The following GUCA1B variants were observed in gnomAD, a reference collection of about 807,000 sequenced individuals.
The protein encoded by GUCA1B is guanylate cyclase activator 1B, also known as guanylyl cyclase-activating protein 2.
GUCA1B carries 22 observed loss-of-function variants against 24.2 expected under a neutral mutation model. The observed-to-expected ratio is 0.91, with a 90% CI of 0.65 to 1.30. The LOEUF (loss-of-function observed/expected upper bound fraction) is 1.30. Among genes scored for constraint, GUCA1B ranks in the 50% most tolerant of loss-of-function variants. GUCA1B has a pLI of 0.00. For synonymous variants in GUCA1B, 100 were observed against 97.9 expected, an observed-to-expected ratio of 1.02 and a Z score of -0.13; for missense variants, 221 against 258.8, an observed-to-expected ratio of 0.85 and a Z score of 1.00.
intron 2 of GUCA1B, among the ~76,000 whole-genome samples, chr6:42,188,107 A>G (rs532362252): frequency 7.2e-5 from 11 of 152,234 alleles, no homozygotes; most frequent in African/African-American, 2.6e-4. Context: ...CAGCCTCCCA[A>G]AGTGCTGGGA....
At chr6:42,188,886 T>TTCTATCTATCATCTA (rs1554187119) in intron 1 of GUCA1B, among the ~76,000 whole-genome samples, 155 bp from the exon 2 acceptor site, 18 of 116,430 alleles carry the variant, frequency 1.5e-4, no homozygotes, top group Non-Finnish European at 2.0e-4. Context: ...GTAGAGAACA[T>TTCTATCTATCATCTA]TCTATCTATC....
At chr6:42,194,186 C>T (rs1768357908) in intron 1 of GUCA1B, among the ~76,000 whole-genome samples, 1 of 152,198 alleles carries the variant, frequency 6.6e-6, no homozygotes, top group Admixed American at 6.5e-5. Context: ...AGCTCATAGC[C>T]CATGCTAAGA....
chr6:42,194,601 C>A lies in GUCA1B; in HGVS notation c.207+13G>T. On this transcript the variant is annotated intron_variant, in intron 1 of 3. Transcript: ENST00000230361. ...TGGACTGGCCACTGGTCCTTCCCTT[C>A]AGGGTGCCTTACCCCATTCTTGTCG... 1.9e-6 allele frequency: 3 copies of A among 1,572,602 alleles called. No homozygotes were observed. The highest frequency in any genetic ancestry group is 2.6e-6 in the Non-Finnish European group (3 of 1,141,996).
chr6:42,190,834 A>C (rs1286816567), intron 1 of GUCA1B, among the ~76,000 whole-genome samples: 1 of 152,120 alleles, frequency 6.6e-6, no homozygotes, highest in Non-Finnish European at 1.5e-5. Flanking sequence ...ACCACTCACA[A>C]ATCCCCACTC....
chr6:42,188,929 C>A (rs7758473), intron 1 of GUCA1B, among the ~76,000 whole-genome samples, 198 bp from the exon 2 acceptor site: 22,123 of 133,040 alleles, frequency 0.17, 1,988 homozygotes, highest in African/African-American at 0.34. Context: ...CTCTCTCTCT[C>A]TCTATCTGAC....
chr6:42,188,575 C>G lies in GUCA1B; in HGVS notation c.357+7G>C, dbSNP rs1423919693. 1 of 1,614,028 alleles carries G rather than the reference C, an allele frequency of 6.2e-7. No individual in the cohort carries two copies. Among genetic ancestry groups the G allele is most frequent in the South Asian group, 1.1e-5 (1 of 91,080 alleles). On this transcript the variant is annotated splice_region_variant and intron_variant, in intron 2 of 3. Transcript: ENST00000230361. ...CAGGCTGCTGGCCCATGGGCAGAGA[C>G]ACTAACCTCCACAATGTTGAGTAGC... is the stretch of plus-strand genomic sequence containing the variant.
In GUCA1B at chr6:42,190,027, C is replaced by T. The variant is rs188948353; in HGVS notation, c.208-1296G>A. Among the ~76,000 whole-genome samples, 324 of 152,308 alleles carry T rather than the reference C, an allele frequency of 2.1e-3. 2 individuals carry two copies. Among genetic ancestry groups the T allele is most frequent in the African/African-American group, 7.3e-3 (302 of 41,564 alleles). ...GAAATGACACTGATGGCCCAGAGCA[C>T]TTCTGTCCCACTGGGTCAGGCCACT... On this transcript the variant is annotated intron_variant, in intron 1 of 3. Transcript: ENST00000230361.
At chr6:42,188,490 C>T in intron 2 of GUCA1B, 92 bp downstream of exon 2, 1 of 1,143,736 alleles carries the variant, frequency 8.7e-7, no homozygotes, top group Admixed American at 1.8e-5. Flanking sequence ...AAGGCCTCTT[C>T]TTCAGTCCCC....
chr6:42,192,381 GA>G (rs1768324075), intron 1 of GUCA1B, among the ~76,000 whole-genome samples: 1 of 8,952 alleles, frequency 1.1e-4, no homozygotes, highest in African/African-American at 3.5e-4. Flanking sequence ...AAAAAAAAAA[GA>G]GAGAAAAGAA....
At chr6:42,191,829 C>T (rs145685928) in intron 1 of GUCA1B, among the ~76,000 whole-genome samples, 31 of 152,088 alleles carry the variant, frequency 2.0e-4, no homozygotes, top group South Asian at 4.2e-4. Context: ...TGTCTTGTAC[C>T]GGATGGTATG....
intron 2 of GUCA1B, among the ~76,000 whole-genome samples, chr6:42,186,637 A>G (rs1768198023): frequency 6.6e-6 from 1 of 152,046 alleles, no homozygotes; most frequent in Non-Finnish European, 1.5e-5. Context: ...AATGCGGAAG[A>G]GATGGACACA....
intron 1 of GUCA1B, among the ~76,000 whole-genome samples, chr6:42,193,789 C>T (rs1768349485): frequency 6.6e-6 from 1 of 152,172 alleles, no homozygotes; most frequent in African/African-American, 2.4e-5. Flanking sequence ...GTTCTCCACG[C>T]ACTGAGGAAT....
chr6:42,191,298 G>A (rs1054914867), intron 1 of GUCA1B, among the ~76,000 whole-genome samples: 3 of 152,136 alleles, frequency 2.0e-5, no homozygotes, highest in East Asian at 1.9e-4. Flanking sequence ...GGGCAACCAC[G>A]AGAGTTGCAA....
At chr6:42,190,692 T>C (rs1033325280) in intron 1 of GUCA1B, among the ~76,000 whole-genome samples, 1 of 152,130 alleles carries the variant, frequency 6.6e-6, no homozygotes, top group Non-Finnish European at 1.5e-5. Context: ...GCAGAGCTTT[T>C]CCAGGCATGC....
Position 42,184,925 on chromosome 6 carries a change from C to T in GUCA1B, c.493G>A (p.Glu165Lys), listed in dbSNP as rs1026285963. Residue 165 changes from glutamate to lysine, a missense_variant, in exon 4 of 4, where the codon GAG (glutamate) becomes AAG (lysine). Coordinates refer to ENST00000230361, the MANE Select transcript of GUCA1B (RefSeq NM_002098.6). ...ENGDGQLSLNEFVEGARRDKW... is the reference protein window; with the variant it reads ...ENGDGQLSLNKFVEGARRDKW... ...TCCCGACGGGCACCTTCAACAAACT[C>T]GTTCAGAGACAGCTGGCCTGAGCAA... is the stretch of plus-strand genomic sequence containing the variant. 5.0e-6 allele frequency: 8 copies of T among 1,614,050 alleles called. No individual in the cohort carries two copies. The highest frequency in any genetic ancestry group is 6.8e-6 in the Non-Finnish European group (8 of 1,180,016).
Position 42,194,668 on chromosome 6 carries a change from A to C in GUCA1B, c.153T>G (p.Asp51Glu). 4 of 1,613,942 alleles carry C rather than the reference A, an allele frequency of 2.5e-6. No homozygotes were observed. Among genetic ancestry groups the C allele is most frequent in the Middle Eastern group, 1.6e-4 (1 of 6,062 alleles). The stretch of plus-strand genomic sequence containing the variant: ...CCTCTACATACTGGGAGGCCTCCTC[A>C]TCGTCTGTGACCTTGAAGAAGCGCT... Reference protein sequence around the residue: ...EFKRFFKVTDDEEASQYVEGM... With the variant: ...EFKRFFKVTDEEEASQYVEGM... The change falls in exon 1 of 4, where the codon GAT becomes GAG. Residue 51 changes from aspartate to glutamate, a missense_variant. By Grantham distance (45) the Asp-to-Glu change is conservative. Coordinates refer to ENST00000230361, the MANE Select transcript of GUCA1B (RefSeq NM_002098.6).
rs770570900 is a variant in GUCA1B, at chr6:42,188,649, G to A, written c.290C>T (p.Thr97Ile). The A allele has an allele frequency of 3.1e-6, 5 of 1,614,004 alleles. No homozygotes were observed. The highest frequency in any genetic ancestry group is 3.4e-6 in the Non-Finnish European group (4 of 1,179,910). ...RGTLEHKLKW[T>I]FKIYDKDGNG... ...GCCATCCTTATCATAGATCTTGAAT[G>A]TCCACTTCAGCTTGTGCTCCAGGGT... The change falls in exon 2 of 4, where the codon ACA becomes ATA. Residue 97 changes from threonine (T) to isoleucine (I), a missense_variant. By Grantham distance (89) the Thr-to-Ile change is moderately conservative. Coordinates refer to ENST00000230361, the MANE Select transcript of GUCA1B (RefSeq NM_002098.6).
intron 1 of GUCA1B, among the ~76,000 whole-genome samples, chr6:42,194,392 T>C: frequency 6.6e-6 from 1 of 151,238 alleles, no homozygotes; most frequent in East Asian, 1.9e-4. Flanking sequence ...AGCTAAGAGA[T>C]GGAGGGAGGG....
chr6:42,194,751 A>C lies in GUCA1B; in HGVS notation c.70T>G (p.Trp24Gly). Reference sequence around the variant, plus strand: ...CACTCCATCACAAACTTCTTGTACCACTCCTGGAGCTCCGCCACATCTATC... The same window carrying C: ...CACTCCATCACAAACTTCTTGTACCCCTCCTGGAGCTCCGCCACATCTATC... ...GEIDVAELQE[W>G]YKKFVMECPS... The change falls in exon 1 of 4, where the codon TGG becomes GGG. Residue 24 changes from tryptophan (W) to glycine (G), a missense_variant. Coordinates refer to ENST00000230361, the MANE Select transcript of GUCA1B (RefSeq NM_002098.6). 1 of 1,608,812 alleles carries C rather than the reference A, an allele frequency of 6.2e-7. No homozygotes were observed.
Sources: allele counts gnomAD v4.1 joint callset (sites outside exome capture counted in the v4.1 genomes callset), GRCh38; gene constraint gnomAD v4.1.1; transcripts MANE v1.5; gene names NCBI Gene and HGNC (gene_info 2026-07-23, HGNC 2026-07-21).